Variants in BAALC observed in about 807,000 individuals in gnomAD.
BAALC encodes the protein BAALC binder of MAP3K1 and KLF4, also known as brain and acute leukemia cytoplasmic protein.
A neutral mutation model predicts 15.5 loss-of-function variants in BAALC; 9 were observed. The observed-to-expected ratio is 0.58, with a 90% confidence interval of 0.35 to 1.02. The LOEUF is 1.02. Ranked by LOEUF, BAALC falls within the 50% of genes least tolerant of loss-of-function variation. BAALC has a pLI of 0.02. For missense variants in BAALC, 201 were observed against 192.4 expected (o/e 1.04, Z -0.27); for synonymous variants, 80 against 74.6 (o/e 1.07, Z -0.37).
Position 103,228,111 on chromosome 8 carries a change from A to G in BAALC, c.*12A>G. ...ACTGTGTCAACTAGCAGAGAGTCCA[A>G]GCAGAAGGGCAGATGGACTTCTTCA... is the stretch of plus-strand genomic sequence containing the variant. On this transcript the variant is annotated 3_prime_UTR_variant, in exon 3 of 3. Transcript: ENST00000309982. The G allele has an allele frequency of 6.4e-7, 1 of 1,555,160 alleles. No homozygotes were observed. The highest frequency in any genetic ancestry group is 1.1e-5 in the South Asian group (1 of 89,442).
chr8:103,208,726 G>C (rs867082163), intron 1 of BAALC, among the ~76,000 whole-genome samples: 4 of 152,182 alleles, frequency 2.6e-5, no homozygotes, highest in African/African-American at 7.2e-5. Context: ...GGCCCCACTT[G>C]CTGTTGCCTT....
chr8:103,141,207 G>A (rs1810767709), intron 1 of BAALC, 150 bp downstream of exon 1: 2 of 884,704 alleles, frequency 2.3e-6, no homozygotes, highest in South Asian at 2.3e-5. Context: ...CCACTGATCA[G>A]TGGACAGATG....
intron 1 of BAALC, among the ~76,000 whole-genome samples, chr8:103,175,457 C>T (rs567315566): frequency 6.6e-6 from 1 of 152,130 alleles, no homozygotes; most frequent in Admixed American, 6.5e-5. Flanking sequence ...TGACATGATT[C>T]CTCTCTTTCC....
At chr8:103,226,551 C>T (rs2130103557) in intron 2 of BAALC, among the ~76,000 whole-genome samples, 2 of 152,356 alleles carry the variant, frequency 1.3e-5, no homozygotes, top group South Asian at 2.1e-4. Context: ...CACTCGTGTT[C>T]ACCCCCAGCA....
intron 1 of BAALC, among the ~76,000 whole-genome samples, chr8:103,205,610 C>T (rs1259163904): frequency 6.6e-6 from 1 of 152,082 alleles, no homozygotes; most frequent in Non-Finnish European, 1.5e-5. Context: ...AATCCCCTGC[C>T]TTAGAATCCC....
At chr8:103,148,682 C>G (rs1429518190) in intron 1 of BAALC, among the ~76,000 whole-genome samples, 1 of 152,078 alleles carries the variant, frequency 6.6e-6, no homozygotes, top group East Asian at 1.9e-4. Context: ...TATCTTGGTC[C>G]TGGACTTCTG....
At chr8:103,183,369 C>T (rs748984243) in intron 1 of BAALC, 1 of 702,968 alleles carries the variant, frequency 1.4e-6, no homozygotes, top group South Asian at 1.5e-5. Flanking sequence ...CCCATTAGCC[C>T]ATTACCCTCT....
At position 103,230,114 on chromosome 8, in the gene BAALC, A is replaced by G. The variant is rs571078999; in HGVS notation, c.*2015A>G. On this transcript the variant is annotated 3_prime_UTR_variant, in exon 3 of 3. Transcript: ENST00000309982. ...TACAGGGGAGAAGGAAATGCAGGGC[A>G]CATGATCTGGCCCTCCCCAGAACAA... The G allele has an allele frequency of 2.6e-5, 4 of 152,352 alleles. No homozygotes were observed. The East Asian group carries it at 5.8e-4, about 22-fold the overall frequency. The allele number at this position is 152,352 out of a possible 1,614,324, so 9.4% of individuals were successfully genotyped here.
chr8:103,222,032 C>T (rs1202812116), intron 2 of BAALC, among the ~76,000 whole-genome samples: 2 of 152,058 alleles, frequency 1.3e-5, no homozygotes, highest in African/African-American at 2.4e-5. Context: ...GGGCAGGTGG[C>T]GGGTGGGGGG....
At chr8:103,141,101 C>G (rs778169702) in intron 1 of BAALC, 44 bp downstream of exon 1, 11 of 1,393,062 alleles carry the variant, frequency 7.9e-6, no homozygotes, top group East Asian at 6.1e-5. Context: ...CCCGCTACCC[C>G]GGGCGCCTTG....
At chr8:103,216,232 T>G (rs952819864) in intron 2 of BAALC, among the ~76,000 whole-genome samples, 4 of 152,232 alleles carry the variant, frequency 2.6e-5, no homozygotes, top group African/African-American at 9.6e-5. Context: ...TTTTAATGTT[T>G]GTGTGCATGG....
At chr8:103,153,306 A>G (rs146744526) in intron 1 of BAALC, 1 of 152,300 alleles carries the variant, frequency 6.6e-6, no homozygotes, top group African/African-American at 2.4e-5. Flanking sequence ...GGGGAAAGGA[A>G]TTAGGTAAGT....
chr8:103,201,952 G>A (rs558525196), intron 1 of BAALC, among the ~76,000 whole-genome samples: 167 of 152,290 alleles, frequency 1.1e-3, no homozygotes, highest in Admixed American at 2.4e-3. Context: ...AAATGGAATC[G>A]TATTGTATAG....
intron 1 of BAALC, among the ~76,000 whole-genome samples, chr8:103,196,018 C>G (rs1210927866): frequency 6.6e-6 from 1 of 152,046 alleles, no homozygotes; most frequent in East Asian, 1.9e-4. Context: ...ATGTTTAAGT[C>G]AAGATGGAGA....
chr8:103,157,045 C>T (rs1319029105), intron 1 of BAALC: 1 of 151,852 alleles, frequency 6.6e-6, no homozygotes, highest in East Asian at 1.9e-4. Context: ...AACCCTGTAG[C>T]AGTAAGCAAA....
At chr8:103,181,424 A>T (rs7812607) in intron 1 of BAALC, among the ~76,000 whole-genome samples, 1,731 of 152,072 alleles carry the variant, frequency 0.011, 32 homozygotes, top group African/African-American at 0.04. Context: ...GTCTCCCACC[A>T]CCACGCCTGG....
chr8:103,161,280 CT>C (rs34176566), intron 1 of BAALC, among the ~76,000 whole-genome samples: 34 of 149,338 alleles, frequency 2.3e-4, no homozygotes, highest in Non-Finnish European at 3.3e-4. Context: ...TTTGGTTTAT[CT>C]TTTTTTTTTC....
At chr8:103,149,867 C>A (rs917834563) in intron 1 of BAALC, among the ~76,000 whole-genome samples, 3 of 152,156 alleles carry the variant, frequency 2.0e-5, no homozygotes, top group African/African-American at 7.2e-5. Flanking sequence ...CCTCTTACCT[C>A]CCCCTCAAGC....
intron 1 of BAALC, among the ~76,000 whole-genome samples, chr8:103,149,034 G>A (rs1420307615): frequency 6.6e-6 from 1 of 152,164 alleles, no homozygotes; most frequent in African/African-American, 2.4e-5. Flanking sequence ...GAGGAGCTGG[G>A]ATTCAGTGAG....
Sources: allele counts gnomAD v4.1 joint callset (sites outside exome capture counted in the v4.1 genomes callset), GRCh38; gene constraint gnomAD v4.1.1; transcripts MANE v1.5; gene names NCBI Gene and HGNC (gene_info 2026-07-23, HGNC 2026-07-21).